The following COQ8B variants were observed in gnomAD, a reference collection of about 807,000 sequenced individuals.
COQ8B encodes the protein coenzyme Q8B, also known as atypical kinase COQ8B, mitochondrial.
In COQ8B, 44 loss-of-function variants were observed where a neutral mutation model predicts 62.0. That is an observed-to-expected ratio of 0.71 (90% CI 0.56 to 0.91). The LOEUF (loss-of-function observed/expected upper bound fraction) is 0.91. COQ8B is among the 40% of genes least tolerant of loss of function. COQ8B has a pLI of 0.00. For synonymous variants in COQ8B, 252 were observed against 289.9 expected (o/e 0.87, Z 1.33); for missense variants, 649 against 731.6 (o/e 0.89, Z 1.30).
chr19:40,703,165 C>G (rs1430637038), intron 9 of COQ8B, among the ~76,000 whole-genome samples: 1 of 152,130 alleles, frequency 6.6e-6, no homozygotes, highest in Non-Finnish European at 1.5e-5. Flanking sequence ...CCCTCTCCCT[C>G]TCCGTCTCTT....
intron 1 of COQ8B, 84 bp downstream of exon 1, chr19:40,716,503 A>G (rs2082185911): frequency 6.6e-6 from 1 of 152,220 alleles, no homozygotes; most frequent in Admixed American, 6.5e-5. Context: ...TGGCATCCCT[A>G]TTGTTCAGCC....
Position 40,714,120 on chromosome 19 carries a change from G to C in COQ8B, c.236C>G (p.Ser79Cys). The C allele has an allele frequency of 3.1e-6, 5 of 1,614,202 alleles. No individual in the cohort carries two copies. The highest frequency in any genetic ancestry group is 4.2e-6 in the Non-Finnish European group (5 of 1,180,028). The change falls in exon 4 of 15, where the codon TCT (serine) becomes TGT (cysteine). Residue 79 changes from serine to cysteine, a missense_variant. Ser to Cys is a moderately radical substitution (Grantham distance 112). Transcript: ENST00000324464. ...KTPRPQLSDR[S>C]RERKVPASRI... Reference sequence around the variant, plus strand: ...GGAGGCAGGCACCTTGCGTTCTCGAGAGCGGTCACTCAGCTGGGAAATGGG... The same window carrying C: ...GGAGGCAGGCACCTTGCGTTCTCGACAGCGGTCACTCAGCTGGGAAATGGG...
chr19:40,705,215 C>T lies in COQ8B; in HGVS notation c.491-34G>A, dbSNP rs190206283. The T allele has an allele frequency of 8.7e-5, 140 of 1,610,184 alleles. No individual in the cohort carries two copies. In the African/African-American group the frequency reaches 1.2e-3, roughly 14 times the overall value. On this transcript the variant is annotated intron_variant, in intron 6 of 14. Coordinates refer to ENST00000324464, the MANE Select transcript of COQ8B (RefSeq NM_024876.4). ...ACAGTGGAACCAGGGGGGAAGTAAG[C>T]GAAGAGGTGAGGAGGGACCCCGTGT...
intron 1 of COQ8B, chr19:40,715,628 C>T: frequency 3.0e-6 from 3 of 984,698 alleles, no homozygotes; most frequent in Non-Finnish European, 3.6e-6. Flanking sequence ...TCAACTCTCT[C>T]GTGTACATAC....
chr19:40,703,631 G>C lies in COQ8B; in HGVS notation c.718-9C>G. ...TGGGCTATGCCGGGGTACTGTAAAG[G>C]GAGAAGGGAGGGAGAGAAGGTGGGA... On this transcript the variant is annotated splice_polypyrimidine_tract_variant and intron_variant, in intron 8 of 14. Transcript: ENST00000324464. The C allele has an allele frequency of 6.2e-7, 1 of 1,613,200 alleles. No individual in the cohort carries two copies. Among genetic ancestry groups the C allele is most frequent in the South Asian group, 1.1e-5 (1 of 90,980 alleles).
At position 40,714,529 on chromosome 19, in the gene COQ8B, A is replaced by C. The variant is rs958932647; in HGVS notation, c.102+2T>G. 3 of 1,613,590 alleles carry C rather than the reference A, an allele frequency of 1.9e-6. No individual in the cohort carries two copies. Among genetic ancestry groups the C allele is most frequent in the Non-Finnish European group, 2.5e-6 (3 of 1,179,788 alleles). On this transcript the variant is annotated splice_donor_variant, in intron 2 of 14. Coordinates refer to ENST00000324464, the MANE Select transcript of COQ8B (RefSeq NM_024876.4). LOFTEE classifies it high-confidence loss of function. ...TTGGGGACCTGCTCCCTAGCCTCTT[A>C]CCCAGCGGTGGGGCCCAGGCCCCAG...
intron 5 of COQ8B, among the ~76,000 whole-genome samples, chr19:40,708,957 A>G (rs541855322): frequency 3.3e-5 from 5 of 151,502 alleles, no homozygotes; most frequent in Admixed American, 3.3e-4. Flanking sequence ...AAAAAAATCC[A>G]AACAGAAAAG....
intron 3 of COQ8B, 56 bp from the exon 4 acceptor site, chr19:40,714,189 T>C (rs781313275): frequency 6.2e-7 from 1 of 1,610,328 alleles, no homozygotes; most frequent in Non-Finnish European, 8.5e-7. Context: ...GGCCAGAGAG[T>C]GCAGCCACTC....
intron 1 of COQ8B, chr19:40,715,573 T>A: frequency 1.0e-6 from 1 of 985,568 alleles, no homozygotes; most frequent in African/African-American, 1.7e-5. Context: ...TCCTTGTGCA[T>A]ATAAATCCCT....
chr19:40,712,003 A>T (rs2082145477), intron 4 of COQ8B, among the ~76,000 whole-genome samples: 1 of 151,978 alleles, frequency 6.6e-6, no homozygotes, highest in African/African-American at 2.4e-5. Context: ...CAGACTGTGA[A>T]TCTATCTATG....
chr19:40,713,681 A>ACCGT (rs1246141514), intron 4 of COQ8B, among the ~76,000 whole-genome samples: 2,556 of 150,414 alleles, frequency 0.017, 74 homozygotes, highest in African/African-American at 0.059. Flanking sequence ...GTGCCACTGC[A>ACCGT]CTCCAGCCTG....
Position 40,697,367 on chromosome 19 carries a change from G to A in COQ8B, c.1144-1313C>T, listed in dbSNP as rs55769454. 2.7e-3 allele frequency among the ~76,000 whole-genome samples: 417 copies of A among 152,212 alleles called. 2 individuals carry two copies. The highest frequency in any genetic ancestry group is 9.5e-3 in the African/African-American group (396 of 41,552). ...GGGCTCCAGTGATCCTCCCACCTCA[G>A]CCTCCCAAAGTGCAGAGATTACATT... On this transcript the variant is annotated intron_variant, in intron 12 of 14. Transcript: ENST00000324464.
chr19:40,699,466 C>G (rs1281129040), intron 12 of COQ8B, among the ~76,000 whole-genome samples: 1 of 151,982 alleles, frequency 6.6e-6, no homozygotes, highest in Non-Finnish European at 1.5e-5. Flanking sequence ...TCTAGGTCAT[C>G]GCTGTGTGGT....
At chr19:40,698,950 C>T (rs574594288) in intron 12 of COQ8B, among the ~76,000 whole-genome samples, 49 of 152,120 alleles carry the variant, frequency 3.2e-4, no homozygotes, top group Admixed American at 5.9e-4. Flanking sequence ...GCTGGGAACA[C>T]TCTGCTCTCT....
At chr19:40,693,953 C>A (rs1399968055) in intron 13 of COQ8B, among the ~76,000 whole-genome samples, 1 of 152,164 alleles carries the variant, frequency 6.6e-6, no homozygotes, top group African/African-American at 2.4e-5. Context: ...CTCTGCTCCC[C>A]CTGCCCGAGC....
intron 4 of COQ8B, among the ~76,000 whole-genome samples, chr19:40,713,645 G>A (rs749090787): frequency 1.3e-4 from 20 of 148,964 alleles, no homozygotes; most frequent in Non-Finnish European, 2.5e-4. Context: ...GAATGTAGGA[G>A]GCAGAGGTTG....
intron 14 of COQ8B, 57 bp downstream of exon 14, chr19:40,692,894 C>A (rs2081984833): frequency 6.7e-7 from 1 of 1,501,096 alleles, no homozygotes; most frequent in East Asian, 2.3e-5. Context: ...GATAAGCAGC[C>A]CCCCACTGCA....
Position 40,700,297 on chromosome 19 carries a change from C to G in COQ8B, c.1035+13G>C, listed in dbSNP as rs202196406. 1.1e-3 allele frequency: 1,698 copies of G among 1,612,618 alleles called. 4 individuals are homozygous for G. Among genetic ancestry groups the G allele is most frequent in the Admixed American group, 3.4e-3 (205 of 59,992 alleles). The stretch of plus-strand genomic sequence containing the variant: ...GGGCCATGCCCTTCCCACTGTGCCA[C>G]CAGACAGCATACCTGGTTCCGCAGG... On this transcript the variant is annotated intron_variant, in intron 11 of 14. Transcript: ENST00000324464.
chr19:40,711,044 T>C (rs2082137160), intron 4 of COQ8B, among the ~76,000 whole-genome samples: 1 of 149,632 alleles, frequency 6.7e-6, no homozygotes. Flanking sequence ...GGCAGGAGAA[T>C]CGCTTGAACC....
Sources: allele counts gnomAD v4.1 joint callset (sites outside exome capture counted in the v4.1 genomes callset), GRCh38; gene constraint gnomAD v4.1.1; transcripts MANE v1.5; gene names NCBI Gene and HGNC (gene_info 2026-07-23, HGNC 2026-07-21).